The following UGT1A8 variants were observed in gnomAD, a reference collection of about 807,000 sequenced individuals.
UGT1A8 encodes the protein UDP glucuronosyltransferase family 1 member A8, also known as UDP-glucuronosyltransferase 1A8.
Under a neutral mutation model 45.3 loss-of-function variants are expected in UGT1A8, and 39 were observed. The observed-to-expected ratio is 0.86, with a 90% CI of 0.67 to 1.12. The LOEUF (loss-of-function observed/expected upper bound fraction) is 1.12, where lower values mean the gene tolerates loss of function less well. Ranked by LOEUF, UGT1A8 falls within the 50% of genes most tolerant of loss-of-function variation. UGT1A8 has a pLI of 0.00. For synonymous variants in UGT1A8, 275 were observed against 249.2 expected, an observed-to-expected ratio of 1.10 and a Z score of -0.97; for missense variants, 719 against 664.9, an observed-to-expected ratio of 1.08 and a Z score of -0.90.
intron 1 of UGT1A8, among the ~76,000 whole-genome samples, chr2:233,623,284 G>A (rs1347391609): frequency 6.6e-6 from 1 of 152,112 alleles, no homozygotes; most frequent in African/African-American, 2.4e-5. Flanking sequence ...TGGCTTGATG[G>A]GGATAGCATT....
At chr2:233,699,908 A>G (rs1025007086) in intron 1 of UGT1A8, among the ~76,000 whole-genome samples, 2 of 152,222 alleles carry the variant, frequency 1.3e-5, no homozygotes, top group African/African-American at 4.8e-5. Flanking sequence ...AGTCAGTAGG[A>G]TATACGTAGA....
intron 1 of UGT1A8, among the ~76,000 whole-genome samples, chr2:233,736,037 C>T (rs2078722692): frequency 6.6e-6 from 1 of 152,038 alleles, no homozygotes; most frequent in African/African-American, 2.4e-5. Flanking sequence ...TCTGTATTTC[C>T]TGAATTTGAA....
At chr2:233,621,380 G>T (rs2073003340) in intron 1 of UGT1A8, among the ~76,000 whole-genome samples, 1 of 152,070 alleles carries the variant, frequency 6.6e-6, no homozygotes, top group African/African-American at 2.4e-5. Flanking sequence ...AAGAATTCGG[G>T]CTTCGTCTAT....
At chr2:233,659,751 C>T (rs1364010433) in intron 1 of UGT1A8, among the ~76,000 whole-genome samples, 2 of 152,326 alleles carry the variant, frequency 1.3e-5, no homozygotes, top group East Asian at 1.9e-4. Flanking sequence ...ATGAATTCTT[C>T]TTCACCATTT....
chr2:233,682,979 T>C (rs1485999799), intron 1 of UGT1A8, among the ~76,000 whole-genome samples: 1 of 152,218 alleles, frequency 6.6e-6, no homozygotes, highest in African/African-American at 2.4e-5. Flanking sequence ...CTTGTTGATA[T>C]GTAAGTGTAT....
At position 233,723,541 on chromosome 2, in the gene UGT1A8, TA is replaced by T. The variant is rs1455161715; in HGVS notation, c.856-43492del. 2.1e-4 allele frequency among the ~76,000 whole-genome samples: 28 copies of T among 134,814 alleles called. No individual in the cohort carries two copies. The East Asian group carries it at 3.0e-3, about 15-fold the overall frequency. 88.4% of individuals were successfully genotyped at this position (134,814 alleles called of 152,430 possible). Reference sequence around the variant, plus strand: ...CTTTTTTTTTTTTTTTTTTTTAATTTATTTTTTTATTGATAATTCTTGGGTG... The same window carrying T: ...CTTTTTTTTTTTTTTTTTTTTAATTTTTTTTTTATTGATAATTCTTGGGTG... On this transcript the variant is annotated intron_variant, in intron 1 of 4. Transcript: ENST00000373450.
chr2:233,712,436 A>G (rs2076234082), intron 1 of UGT1A8, among the ~76,000 whole-genome samples: 2 of 152,212 alleles, frequency 1.3e-5, no homozygotes, highest in African/African-American at 2.4e-5. Flanking sequence ...CCTGGTGTGA[A>G]AAACGACCAA....
intron 1 of UGT1A8, chr2:233,691,051 G>A: frequency 1.0e-6 from 1 of 988,180 alleles, no homozygotes; most frequent in Non-Finnish European, 1.2e-6. Flanking sequence ...ACAGCAGAGT[G>A]GAGGTCTAGT....
rs147555582 is a variant in UGT1A8, at chr2:233,719,200, G to C, written c.856-47834G>C. ...AATGTATCTTTGGCCCTTCATAGGT[G>C]TTGTGTGGAGCTACTGCATAATGAG... is the stretch of plus-strand genomic sequence containing the variant. On this transcript the variant is annotated intron_variant, in intron 1 of 4. Coordinates refer to ENST00000373450, the MANE Select transcript of UGT1A8 (RefSeq NM_019076.5). 146 of 1,614,136 alleles carry C rather than the reference G, an allele frequency of 9.0e-5. 3 individuals carry two copies. The highest frequency in any genetic ancestry group is 3.3e-4 in the Middle Eastern group (2 of 6,062).
At position 233,734,224 on chromosome 2, in the gene UGT1A8, G is replaced by T. The variant is rs1427177623; in HGVS notation, c.856-32810G>T. ...AGAGCCTGTTGTTGGTCTATTCAGAGATTCAACTTCTTCCTGCTTTAGTCT... is the reference window on the plus strand; with the variant it reads ...AGAGCCTGTTGTTGGTCTATTCAGATATTCAACTTCTTCCTGCTTTAGTCT... On this transcript the variant is annotated intron_variant, in intron 1 of 4. Coordinates refer to ENST00000373450, the MANE Select transcript of UGT1A8 (RefSeq NM_019076.5). 2.6e-5 allele frequency among the ~76,000 whole-genome samples: 4 copies of T among 152,156 alleles called. No individual in the cohort carries two copies. The East Asian group carries it at 5.8e-4, about 22-fold the overall frequency.
chr2:233,747,176 G>A lies in UGT1A8; in HGVS notation c.856-19858G>A, dbSNP rs762899554. 48 of 1,600,122 alleles carry A rather than the reference G, an allele frequency of 3.0e-5. 1 individual carries two copies. The highest frequency in any genetic ancestry group is 8.1e-5 in the African/African-American group (6 of 74,200). On this transcript the variant is annotated intron_variant, in intron 1 of 4. Coordinates refer to ENST00000373450, the MANE Select transcript of UGT1A8 (RefSeq NM_019076.5). ...AGAAAACAAATGTAGGAGGCACAGCGTGGGGTGGACAGTCAGCTGTCCGTG... is the reference window on the plus strand; with the variant it reads ...AGAAAACAAATGTAGGAGGCACAGCATGGGGTGGACAGTCAGCTGTCCGTG...
At chr2:233,637,250 A>G in intron 1 of UGT1A8, 2 of 1,613,900 alleles carry the variant, frequency 1.2e-6, no homozygotes, top group Non-Finnish European at 1.7e-6. Flanking sequence ...ACGGCATATG[A>G]TCTCTACAGT....
At chr2:233,724,165 C>G (rs1303959593) in intron 1 of UGT1A8, among the ~76,000 whole-genome samples, 1 of 112,732 alleles carries the variant, frequency 8.9e-6, no homozygotes, top group African/African-American at 4.2e-5. Context: ...GGGGGGCTGA[C>G]CCCCCCATCT....
intron 1 of UGT1A8, among the ~76,000 whole-genome samples, chr2:233,621,550 A>G (rs2073007442): frequency 6.6e-6 from 1 of 152,116 alleles, no homozygotes; most frequent in South Asian, 2.1e-4. Flanking sequence ...CCTCCCACTA[A>G]AATTGTTTAC....
chr2:233,726,121 A>G (rs2077505060), intron 1 of UGT1A8, among the ~76,000 whole-genome samples: 1 of 152,216 alleles, frequency 6.6e-6, no homozygotes, highest in South Asian at 2.1e-4. Context: ...TGCCATGTTC[A>G]CACCACCTCA....
chr2:233,734,725 G>A (rs549781531), intron 1 of UGT1A8, among the ~76,000 whole-genome samples: 6 of 150,570 alleles, frequency 4.0e-5, no homozygotes, highest in East Asian at 2.0e-4. Flanking sequence ...CTTTGTTCTC[G>A]TCGGTTTCAA....
intron 1 of UGT1A8, among the ~76,000 whole-genome samples, chr2:233,641,863 AG>A: frequency 6.6e-6 from 1 of 152,290 alleles, no homozygotes; most frequent in South Asian, 2.1e-4. Flanking sequence ...TCCACTGAAA[AG>A]GCTGCTGCCA....
At chr2:233,635,793 G>T (rs1241521050) in intron 1 of UGT1A8, among the ~76,000 whole-genome samples, 1 of 150,990 alleles carries the variant, frequency 6.6e-6, no homozygotes, top group Non-Finnish European at 1.5e-5. Flanking sequence ...AGCAGTCACA[G>T]AGAGGCAGCC....
At chr2:233,664,571 T>G (rs942887899) in intron 1 of UGT1A8, among the ~76,000 whole-genome samples, 3 of 152,176 alleles carry the variant, frequency 2.0e-5, no homozygotes, top group African/African-American at 7.2e-5. Context: ...TGGTAGAAGA[T>G]GAAGCAGGAG....
Sources: allele counts gnomAD v4.1 joint callset (sites outside exome capture counted in the v4.1 genomes callset), GRCh38; gene constraint gnomAD v4.1.1; transcripts MANE v1.5; gene names NCBI Gene and HGNC (gene_info 2026-07-23, HGNC 2026-07-21).